The following KALRN variants were observed in gnomAD, a reference collection of about 807,000 sequenced individuals.
KALRN encodes kalirin.
A neutral mutation model predicts 353.7 loss-of-function variants in KALRN; 70 were observed. The ratio of observed to expected loss-of-function variants is 0.20; its 90% CI spans 0.16 to 0.24. KALRN has a LOEUF of 0.24. KALRN is among the 10% of genes least tolerant of loss of function. The pLI, the probability that KALRN is intolerant of heterozygous loss-of-function variation, is 1.00. For missense variants in KALRN, 2,791 were observed against 3,756.7 expected (o/e 0.74, Z 6.72); for synonymous variants, 1,391 against 1,434.8 (o/e 0.97, Z 0.69).
intron 21 of KALRN, 101 bp from the exon 22 acceptor site, chr3:124,455,076 A>G (rs1198157902): frequency 3.1e-6 from 4 of 1,281,952 alleles, no homozygotes; most frequent in Non-Finnish European, 4.4e-6. Context: ...GTAGTCAGCT[A>G]TGAGGTATCT....
chr3:124,522,502 C>T (rs751394594), intron 33 of KALRN, among the ~76,000 whole-genome samples: 5 of 152,060 alleles, frequency 3.3e-5, no homozygotes, highest in Non-Finnish European at 7.4e-5. Flanking sequence ...AAAAAAAAAG[C>T]TTCTCATGGC....
At chr3:124,696,068 G>C in intron 53 of KALRN, 66 bp from the exon 54 acceptor site, 1 of 1,579,290 alleles carries the variant, frequency 6.3e-7, no homozygotes, top group Admixed American at 1.7e-5. Context: ...CAACCCTATG[G>C]GATTTTACCC....
intron 56 of KALRN, among the ~76,000 whole-genome samples, chr3:124,700,617 A>G (rs2062275777): frequency 6.6e-6 from 1 of 152,140 alleles, no homozygotes; most frequent in Non-Finnish European, 1.5e-5. Context: ...TGCCCAAAAC[A>G]TCTTCGTCCC....
intron 5 of KALRN, among the ~76,000 whole-genome samples, chr3:124,298,401 C>T (rs894920738): frequency 6.6e-6 from 1 of 152,140 alleles, no homozygotes; most frequent in African/African-American, 2.4e-5. Context: ...CCTGTTGCTT[C>T]CTTCAAAGAT....
chr3:124,092,758 A>G (rs2061195766), intron 1 of KALRN, among the ~76,000 whole-genome samples: 1 of 152,210 alleles, frequency 6.6e-6, no homozygotes, highest in African/African-American at 2.4e-5. Context: ...TGGAACATGG[A>G]TTTTCTCTTC....
intron 11 of KALRN, among the ~76,000 whole-genome samples, chr3:124,388,351 A>C (rs1043685060): frequency 6.6e-6 from 1 of 151,748 alleles, no homozygotes; most frequent in Non-Finnish European, 1.5e-5. Context: ...TTTTTCTTGA[A>C]CTTCTTCATG....
At chr3:124,372,853 T>C (rs1390365751) in intron 10 of KALRN, among the ~76,000 whole-genome samples, 1 of 152,080 alleles carries the variant, frequency 6.6e-6, no homozygotes, top group Non-Finnish European at 1.5e-5. Context: ...AAAGACTAGA[T>C]TTCTCTCATG....
chr3:124,360,832 A>G (rs2083955546), intron 10 of KALRN, among the ~76,000 whole-genome samples: 1 of 152,246 alleles, frequency 6.6e-6, no homozygotes, highest in South Asian at 2.1e-4. Context: ...TGGGGAAGCC[A>G]GCATTTGTCT....
intron 1 of KALRN, among the ~76,000 whole-genome samples, chr3:124,173,397 A>C (rs2072172410): frequency 6.6e-6 from 1 of 152,222 alleles, no homozygotes; most frequent in Non-Finnish European, 1.5e-5. Flanking sequence ...GGACAGACAG[A>C]ATTGGGAATA....
At chr3:124,203,413 T>A (rs1342419602) in intron 1 of KALRN, among the ~76,000 whole-genome samples, 4 of 152,156 alleles carry the variant, frequency 2.6e-5, no homozygotes, top group Non-Finnish European at 2.9e-5. Context: ...TCAGGTCATG[T>A]AGTGAGTTGA....
intron 11 of KALRN, among the ~76,000 whole-genome samples, chr3:124,385,549 G>A (rs1366056670): frequency 6.6e-6 from 1 of 152,028 alleles, no homozygotes; most frequent in Non-Finnish European, 1.5e-5. Flanking sequence ...GAGGTCTGTG[G>A]CAGGGTGATA....
Position 124,722,847 on chromosome 3 carries a change from T to A in KALRN, c.*3377T>A, listed in dbSNP as rs2063376368. Reference sequence around the variant, plus strand: ...AAGGTCACAAGTTTCTTGCTTGGCTTTTATTCATTGCATAGGGTTTTGAGC... The same window carrying A: ...AAGGTCACAAGTTTCTTGCTTGGCTATTATTCATTGCATAGGGTTTTGAGC... On this transcript the variant is annotated 3_prime_UTR_variant, in exon 60 of 60. Coordinates refer to ENST00000682506, the MANE Select transcript of KALRN (RefSeq NM_001388419.1). The A allele has an allele frequency of 6.6e-6, 1 of 152,224 alleles. No homozygotes were observed. Among genetic ancestry groups the A allele is most frequent in the East Asian group, 1.9e-4 (1 of 5,206 alleles). The allele number at this position is 152,224 out of a possible 1,614,324, so 9.4% of individuals were successfully genotyped here.
At chr3:124,148,064 G>A (rs2067593275) in intron 1 of KALRN, among the ~76,000 whole-genome samples, 1 of 152,132 alleles carries the variant, frequency 6.6e-6, no homozygotes, top group South Asian at 2.1e-4. Context: ...GGGAAGGATG[G>A]AACAAGAAAC....
intron 5 of KALRN, among the ~76,000 whole-genome samples, chr3:124,282,379 C>CTTTTTTTTTTTTTTTT: frequency 7.4e-6 from 1 of 134,808 alleles, no homozygotes; most frequent in Non-Finnish European, 1.6e-5. Flanking sequence ...CTACATTTTT[C>CTTTTTTTTTTTTTTTT]TTTTTTTTTT....
At chr3:124,349,788 A>T (rs1297873258) in intron 10 of KALRN, among the ~76,000 whole-genome samples, 1 of 152,216 alleles carries the variant, frequency 6.6e-6, no homozygotes, top group Non-Finnish European at 1.5e-5. Context: ...TGCCAATGTA[A>T]TAGACACAGG....
At chr3:124,690,071 C>A (rs996134446) in intron 51 of KALRN, among the ~76,000 whole-genome samples, 3 of 152,118 alleles carry the variant, frequency 2.0e-5, no homozygotes, top group African/African-American at 7.2e-5. Flanking sequence ...TAGGATCCCA[C>A]CACTTAAGCT....
At chr3:124,143,472 A>G (rs747813725) in intron 1 of KALRN, among the ~76,000 whole-genome samples, 2 of 152,178 alleles carry the variant, frequency 1.3e-5, no homozygotes, top group Admixed American at 6.6e-5. Flanking sequence ...TTGAAGTCAC[A>G]AAGTCCTGGA....
At chr3:124,600,006 T>C (rs1287705475) in intron 34 of KALRN, among the ~76,000 whole-genome samples, 1 of 152,236 alleles carries the variant, frequency 6.6e-6, no homozygotes, top group Non-Finnish European at 1.5e-5. Context: ...TACCAGCATA[T>C]GCAAGCCAGG....
chr3:124,605,651 G>A (rs1282349155), intron 34 of KALRN, among the ~76,000 whole-genome samples: 2 of 151,280 alleles, frequency 1.3e-5, no homozygotes, highest in East Asian at 3.9e-4. Context: ...TCCAAATGGG[G>A]CCCAAAACTG....
Sources: gnomAD v4.1 joint callset for allele counts (sites outside exome capture counted in the v4.1 genomes callset) on GRCh38, gnomAD v4.1.1 for gene constraint, MANE v1.5 for transcripts, NCBI Gene and HGNC (gene_info 2026-07-23, HGNC 2026-07-21) for gene names.